ARHGEF12: variants seen among roughly 807,000 people sequenced by gnomAD.
ARHGEF12 encodes the protein KMT2A/ARHGEF12 fusion protein.
A neutral mutation model predicts 211.2 loss-of-function variants in ARHGEF12; 66 were observed. The observed-to-expected ratio is 0.31, with a 90% CI of 0.26 to 0.38. The LOEUF (loss-of-function observed/expected upper bound fraction) is 0.38. Ranked by LOEUF, ARHGEF12 falls within the 10% of genes least tolerant of loss-of-function variation. The probability of loss-of-function intolerance (pLI) is 1.00; values close to 1 mark genes in which losing one functional copy is unlikely to be tolerated. For synonymous variants in ARHGEF12, 592 were observed against 638.4 expected (o/e 0.93, Z 1.09); for missense variants, 1,429 against 1,869.5 (o/e 0.76, Z 4.34).
intron 13 of ARHGEF12, 82 bp downstream of exon 13, chr11:120,440,303 G>A: frequency 8.9e-7 from 1 of 1,125,158 alleles, no homozygotes; most frequent in South Asian, 1.3e-5. Context: ...ACGTTCTGGA[G>A]ATTAAGATAA....
chr11:120,436,367 C>T (rs552998422), intron 11 of ARHGEF12, among the ~76,000 whole-genome samples: 4 of 152,284 alleles, frequency 2.6e-5, no homozygotes, highest in African/African-American at 9.6e-5. Context: ...TGTGATACCA[C>T]CAAGATATCT....
intron 1 of ARHGEF12, among the ~76,000 whole-genome samples, chr11:120,380,669 T>C (rs1483954745): frequency 1.3e-5 from 2 of 152,206 alleles, no homozygotes; most frequent in Non-Finnish European, 2.9e-5. Flanking sequence ...GTTAAGATAG[T>C]GTTTGCTAGG....
rs1364050200 is a variant in ARHGEF12 at position 120,484,420 on chromosome 11, A to G, written c.4555-18A>G. 3 of 1,609,970 alleles carry G rather than the reference A, an allele frequency of 1.9e-6. No individual in the cohort carries two copies. The highest frequency in any genetic ancestry group is 2.5e-6 in the Non-Finnish European group (3 of 1,177,786). ...TTCATTACGTTTGAATAAAAAACCT[A>G]TGGGTTTTATTTCACAGAAGGTGGA... On this transcript the variant is annotated intron_variant, in intron 39 of 40. Transcript: ENST00000397843.
Position 120,336,624 on chromosome 11 carries a change from G to T in ARHGEF12, c.-620G>T, listed in dbSNP as rs1942358154. ...GAGACCCGGGTCCCTGTCACCTCGG[G>T]CCGCGGGACCTCTCCGCCGGCGCCA... On this transcript the variant is annotated 5_prime_UTR_variant, in exon 1 of 41. Transcript: ENST00000397843. Among the ~76,000 whole-genome samples the T allele has an allele frequency of 6.6e-6, 1 of 152,128 alleles. No homozygotes were observed. Among genetic ancestry groups the T allele is most frequent in the Non-Finnish European group, 1.5e-5 (1 of 67,998 alleles).
Position 120,488,283 on chromosome 11 carries a change from T to C in ARHGEF12, c.*3206T>C, listed in dbSNP as rs1947447239. The C allele has an allele frequency of 4.6e-6, 1 of 215,414 alleles. No homozygotes were observed. Among genetic ancestry groups the C allele is most frequent in the Non-Finnish European group, 9.4e-6 (1 of 106,770 alleles). 13.3% of individuals were successfully genotyped at this position (215,414 alleles called of 1,614,324 possible). A position where few individuals can be genotyped will look rare whatever the true frequency, so the allele number is the denominator to read the frequency against. ...TTCTTCTCTGAAGTCGATATATGGT[T>C]TTGAATTACTAGAGCTTTGGTCAGT... On this transcript the variant is annotated 3_prime_UTR_variant, in exon 41 of 41. Coordinates refer to ENST00000397843, the MANE Select transcript of ARHGEF12 (RefSeq NM_015313.3).
Position 120,467,176 on chromosome 11 carries a change from A to C in ARHGEF12, c.2740-18A>C. ...TCAAATAAGAATTACAGATTCACTT[A>C]TTTCACTTTAATTTTAGGATGCTGA... On this transcript the variant is annotated intron_variant, in intron 28 of 40. Transcript: ENST00000397843. The C allele has an allele frequency of 6.7e-7, 1 of 1,493,470 alleles. No homozygotes were observed. The highest frequency in any genetic ancestry group is 9.3e-7 in the Non-Finnish European group (1 of 1,072,328). 92.5% of individuals were successfully genotyped at this position (1,493,470 alleles called of 1,614,324 possible). A position where few individuals can be genotyped will look rare whatever the true frequency, so the allele number is the denominator to read the frequency against.
intron 20 of ARHGEF12, chr11:120,448,738 T>C (rs1291611029): frequency 3.6e-6 from 1 of 275,436 alleles, no homozygotes; most frequent in Non-Finnish European, 6.8e-6. Flanking sequence ...TTTACTAGAT[T>C]GTAAAGCTGT....
intron 7 of ARHGEF12, among the ~76,000 whole-genome samples, chr11:120,425,101 G>A (rs184830878): frequency 1.3e-5 from 2 of 152,164 alleles, no homozygotes; most frequent in African/African-American, 2.4e-5. Context: ...CACGAACCTC[G>A]AGCTGGCAGT....
intron 1 of ARHGEF12, among the ~76,000 whole-genome samples, chr11:120,363,306 G>A (rs1943330884): frequency 6.6e-6 from 1 of 152,210 alleles, no homozygotes; most frequent in Non-Finnish European, 1.5e-5. Context: ...CGTGGATAAA[G>A]GAGGTTTAAA....
chr11:120,421,948 C>A, intron 6 of ARHGEF12, 96 bp downstream of exon 6: 1 of 898,206 alleles, frequency 1.1e-6, no homozygotes, highest in Non-Finnish European at 1.8e-6. Context: ...TTATAAAAAG[C>A]ATCATACTTC....
At chr11:120,394,447 C>T (rs145975611) in intron 1 of ARHGEF12, among the ~76,000 whole-genome samples, 2,003 of 151,564 alleles carry the variant, frequency 0.013, 49 homozygotes, top group African/African-American at 0.046. Context: ...CCTCCTGCCT[C>T]GGCCTCCCAA....
At position 120,478,187 on chromosome 11, in the gene ARHGEF12, A is replaced by G. The variant is rs756903663; in HGVS notation, c.3564A>G (p.Ile1188Met). The change falls in exon 37 of 41, where the codon ATA becomes ATG. Residue 1188 changes from isoleucine to methionine, a missense_variant. Ile to Met is a conservative substitution (Grantham distance 10). This residue lies in a region of ARHGEF12 where 467 missense variants were observed against 468.4 expected (regional missense o/e 1.00). Coordinates refer to ENST00000397843, the MANE Select transcript of ARHGEF12 (RefSeq NM_015313.3). ...ATTTGGGATTAGAATCTACCTTAAT[A>G]TCGTCAAAACCTCAGTCTCATTCAC... is the stretch of plus-strand genomic sequence containing the variant. ...DRDLGLESTL[I>M]SSKPQSHSLS... 4 of 1,613,744 alleles carry G rather than the reference A, an allele frequency of 2.5e-6. No individual in the cohort carries two copies. The South Asian group carries it at 3.3e-5, about 13-fold the overall frequency.
At chr11:120,409,323 C>G in intron 3 of ARHGEF12, 71 bp from the exon 4 acceptor site, 2 of 1,454,676 alleles carry the variant, frequency 1.4e-6, no homozygotes, top group East Asian at 4.6e-5. Flanking sequence ...TCTTTTTTCC[C>G]CATGAATTTT....
At chr11:120,373,019 CAA>C (rs1029375386) in intron 1 of ARHGEF12, among the ~76,000 whole-genome samples, 52 of 122,016 alleles carry the variant, frequency 4.3e-4, no homozygotes, top group African/African-American at 1.7e-3. Flanking sequence ...TAAACTGAAA[CAA>C]GATTTTTTCT....
intron 12 of ARHGEF12, 71 bp downstream of exon 12, chr11:120,437,453 C>T (rs1005575875): frequency 3.9e-6 from 4 of 1,013,964 alleles, no homozygotes; most frequent in Admixed American, 2.8e-5. Context: ...GGTATAGACA[C>T]ATCTGATGTT....
intron 1 of ARHGEF12, among the ~76,000 whole-genome samples, chr11:120,391,728 G>C (rs1371739643): frequency 1.3e-5 from 2 of 152,192 alleles, no homozygotes; most frequent in African/African-American, 4.8e-5. Flanking sequence ...ATAATCTAGA[G>C]AAATTAGGAT....
chr11:120,472,928 T>C, intron 30 of ARHGEF12, 122 bp from the exon 31 acceptor site: 1 of 781,552 alleles, frequency 1.3e-6, no homozygotes, highest in Non-Finnish European at 2.2e-6. Context: ...GTGCTGAGAT[T>C]ACAGGTGTGA....
At chr11:120,346,469 C>G (rs1027377480) in intron 1 of ARHGEF12, among the ~76,000 whole-genome samples, 1 of 152,232 alleles carries the variant, frequency 6.6e-6, no homozygotes, top group Non-Finnish European at 1.5e-5. Context: ...GTCACATCAG[C>G]TCACATGTCA....
intron 10 of ARHGEF12, among the ~76,000 whole-genome samples, chr11:120,430,620 C>T (rs1373460288): frequency 6.6e-6 from 1 of 152,122 alleles, no homozygotes; most frequent in Non-Finnish European, 1.5e-5. Context: ...AGATAAATTG[C>T]CTATACATTT....
Sources: gnomAD v4.1 joint callset for allele counts (sites outside exome capture counted in the v4.1 genomes callset) on GRCh38, gnomAD v4.1.1 for gene constraint, gnomAD v4.1.1 regional missense constraint, MANE v1.5 for transcripts, NCBI Gene and HGNC (gene_info 2026-07-23, HGNC 2026-07-21) for gene names.